EEA1: variants seen among roughly 807,000 people sequenced by gnomAD.
EEA1 encodes the protein early endosome antigen 1.
Under a neutral mutation model 209.2 loss-of-function variants are expected in EEA1, and 111 were observed. The observed-to-expected ratio is 0.53, with a 90% CI of 0.45 to 0.62. The LOEUF is 0.62. EEA1 is among the 20% of genes least tolerant of loss of function. The pLI, the probability that EEA1 is intolerant of heterozygous loss-of-function variation, is 0.00. For synonymous variants in EEA1, 536 were observed against 540.6 expected, an observed-to-expected ratio of 0.99 and a Z score of 0.12; for missense variants, 1,343 against 1,530.8, an observed-to-expected ratio of 0.88 and a Z score of 2.05.
At chr12:92,898,991 T>C (rs903187520) in intron 1 of EEA1, among the ~76,000 whole-genome samples, 1 of 148,984 alleles carries the variant, frequency 6.7e-6, no homozygotes, top group Non-Finnish European at 1.5e-5. Context: ...TGTTTAGAGA[T>C]GGAGGAGGCA....
At chr12:92,828,355 C>T (rs7138445) in intron 11 of EEA1, among the ~76,000 whole-genome samples, 152,090 of 152,150 alleles carry the variant, frequency 1, 76,015 homozygotes, top group Middle Eastern at 1. Flanking sequence ...AGTGTTGGAA[C>T]TTTCAGGAAC....
chr12:92,805,316 A>G (rs991792190), intron 18 of EEA1, among the ~76,000 whole-genome samples: 2 of 152,162 alleles, frequency 1.3e-5, no homozygotes, highest in South Asian at 2.1e-4. Context: ...TCAGGACCCA[A>G]TTTACTAGAT....
rs998983873 is a variant in EEA1, at chr12:92,929,293, T to G, written c.-227A>C. On this transcript the variant is annotated 5_prime_UTR_variant, in exon 1 of 29. Coordinates refer to ENST00000322349, the MANE Select transcript of EEA1 (RefSeq NM_003566.4). Reference sequence around the variant, plus strand: ...AACGACTAGGCAGCCTGCGAGCGCCTCCAGCCCGCCCGCCGGGCAGCCCCC... The same window carrying G: ...AACGACTAGGCAGCCTGCGAGCGCCGCCAGCCCGCCCGCCGGGCAGCCCCC... The G allele has an allele frequency of 5.0e-6, 1 of 198,572 alleles. No individual in the cohort carries two copies. The highest frequency in any genetic ancestry group is 6.4e-5 in the Admixed American group (1 of 15,516). The allele number at this position is 198,572 out of a possible 1,614,324, so 12.3% of individuals were successfully genotyped here. A position where few individuals can be genotyped will look rare whatever the true frequency, so the allele number is the denominator to read the frequency against.
intron 14 of EEA1, among the ~76,000 whole-genome samples, chr12:92,817,120 C>A (rs1283701060): frequency 6.6e-6 from 1 of 151,104 alleles, no homozygotes; most frequent in Admixed American, 6.6e-5. Context: ...CCTCCCCACC[C>A]TTCTGTGACA....
intron 3 of EEA1, among the ~76,000 whole-genome samples, chr12:92,863,924 T>G (rs1256840459): frequency 6.6e-6 from 1 of 152,218 alleles, no homozygotes; most frequent in Admixed American, 6.5e-5. Context: ...AAATTGATAT[T>G]AAATATAAGA....
In EEA1 at chr12:92,852,925, A is replaced by G; in HGVS notation, c.507T>C (p.Ala169=). 6.2e-7 allele frequency: 1 copy of G among 1,608,588 alleles called. No homozygotes were observed. The highest frequency in any genetic ancestry group is 8.5e-7 in the Non-Finnish European group (1 of 1,178,080). ...DLFEQKAAQL[A]TEIADIKSKY... ...AACTCAATTTACCTGCAATTTCAGT[A>G]GCAAGTTGGGCTGCTTTCTGTTCAA... The change falls in exon 7 of 29, where the codon GCT becomes GCC. Residue 169 remains alanine (A), a synonymous_variant. Transcript: ENST00000322349.
At chr12:92,820,626 G>C (rs1365972380) in intron 13 of EEA1, among the ~76,000 whole-genome samples, 1 of 152,052 alleles carries the variant, frequency 6.6e-6, no homozygotes, top group Non-Finnish European at 1.5e-5. Flanking sequence ...GAGAGCATTA[G>C]AGCAAATACC....
chr12:92,894,933 GA>G (rs1879804481), intron 1 of EEA1, among the ~76,000 whole-genome samples: 1 of 152,080 alleles, frequency 6.6e-6, no homozygotes, highest in Non-Finnish European at 1.5e-5. Flanking sequence ...TCCAAGCTTC[GA>G]ATTCCAAGCT....
intron 1 of EEA1, among the ~76,000 whole-genome samples, chr12:92,910,311 A>C (rs1033893099): frequency 5.9e-5 from 9 of 151,868 alleles, no homozygotes; most frequent in Non-Finnish European, 1.0e-4. Context: ...TCTACTAAAA[A>C]TACAAAAATT....
chr12:92,887,634 C>T (rs1278145428), intron 2 of EEA1, among the ~76,000 whole-genome samples: 1 of 151,910 alleles, frequency 6.6e-6, no homozygotes, highest in African/African-American at 2.4e-5. Flanking sequence ...GGCAATAGAG[C>T]AAGACCTTGT....
intron 9 of EEA1, among the ~76,000 whole-genome samples, chr12:92,845,523 C>T (rs1334383557): frequency 6.6e-6 from 1 of 152,156 alleles, no homozygotes; most frequent in Non-Finnish European, 1.5e-5. Flanking sequence ...GTGCCTTGGA[C>T]TTTAACCTTC....
At chr12:92,780,514 C>T (rs1335045430) in intron 23 of EEA1, 103 bp from the exon 24 acceptor site, 36 of 823,900 alleles carry the variant, frequency 4.4e-5, no homozygotes, top group Non-Finnish European at 6.0e-5. Context: ...TGGCTCTGCC[C>T]TTTTCTACCT....
intron 10 of EEA1, among the ~76,000 whole-genome samples, chr12:92,835,966 T>A (rs1045948926): frequency 1.4e-4 from 22 of 152,216 alleles, no homozygotes; most frequent in African/African-American, 4.8e-4. Flanking sequence ...ATTATGGTCT[T>A]CCCATGGAAT....
At chr12:92,788,136 A>C in intron 21 of EEA1, 87 bp from the exon 22 acceptor site, 1 of 1,158,660 alleles carries the variant, frequency 8.6e-7, no homozygotes, top group Non-Finnish European at 1.1e-6. Context: ...CTAGAAGAAA[A>C]TTCCAAACAA....
chr12:92,778,488 CCTAGAGACAAAG>C (rs1011363886), intron 25 of EEA1, among the ~76,000 whole-genome samples: 3 of 151,950 alleles, frequency 2.0e-5, no homozygotes, highest in African/African-American at 7.2e-5. Context: ...AGCAAGGTGC[CCTAGAGACAAAG>C]CTGAAATTTC....
At chr12:92,893,367 G>A (rs1304148735) in intron 1 of EEA1, among the ~76,000 whole-genome samples, 1 of 152,182 alleles carries the variant, frequency 6.6e-6, no homozygotes, top group Non-Finnish European at 1.5e-5. Flanking sequence ...ATAAATGAAA[G>A]AAGGGATTTT....
rs568769619 is a variant in EEA1, at chr12:92,772,741, C to A, written c.*3270G>T. 2.0e-5 allele frequency: 3 copies of A among 152,206 alleles called. No homozygotes were observed. The East Asian group carries it at 5.8e-4, about 29-fold the overall frequency. The allele number at this position is 152,206 out of a possible 1,614,324, so 9.4% of individuals were successfully genotyped here. On this transcript the variant is annotated 3_prime_UTR_variant, in exon 29 of 29. Coordinates refer to ENST00000322349, the MANE Select transcript of EEA1 (RefSeq NM_003566.4). Reference sequence around the variant, plus strand: ...ACTACATGATCACAAGTAGTAAACACAATACAAATAATGAACCCAAAAACT... The same window carrying A: ...ACTACATGATCACAAGTAGTAAACAAAATACAAATAATGAACCCAAAAACT...
At chr12:92,789,296 A>AG (rs1363564576) in intron 21 of EEA1, among the ~76,000 whole-genome samples, 2 of 151,440 alleles carry the variant, frequency 1.3e-5, no homozygotes, top group Non-Finnish European at 2.9e-5. Context: ...TCAAAAAAAA[A>AG]AAAGAAAGAA....
rs757722019 is a variant in EEA1 at position 92,851,135 on chromosome 12, C to G, written c.774G>C (p.Leu258Phe). 6.2e-6 allele frequency: 10 copies of G among 1,613,546 alleles called. No homozygotes were observed. Among genetic ancestry groups the G allele is most frequent in the Non-Finnish European group, 8.5e-6 (10 of 1,179,890 alleles). Residue 258 changes from leucine to phenylalanine, a missense_variant, in exon 9 of 29, where the codon TTG (leucine) becomes TTC (phenylalanine). By Grantham distance (22) the Leu-to-Phe change is conservative. Transcript: ENST00000322349. ...SEKLKDECKK[L>F]QSQYASSEAT... The stretch of plus-strand genomic sequence containing the variant: ...CCTCTGAGCTAGCATATTGTGACTG[C>G]AATTTTTTGCATTCATCTTTGAGTT...
Sources: gnomAD v4.1 joint callset for allele counts (sites outside exome capture counted in the v4.1 genomes callset) on GRCh38, gnomAD v4.1.1 for gene constraint, MANE v1.5 for transcripts, NCBI Gene and HGNC (gene_info 2026-07-23, HGNC 2026-07-21) for gene names.